NCAM2: variants seen among roughly 807,000 people sequenced by gnomAD.
NCAM2 encodes neural cell adhesion molecule 2.
Under a neutral mutation model 98.1 loss-of-function variants are expected in NCAM2, and 30 were observed. That is an observed-to-expected ratio of 0.31 (90% CI 0.23 to 0.41). The LOEUF is 0.41. NCAM2 is among the 10% of genes least tolerant of loss of function. NCAM2 has a pLI of 1.00. For missense variants in NCAM2, 867 were observed against 1,005.8 expected, an observed-to-expected ratio of 0.86 and a Z score of 1.87; for synonymous variants, 368 against 342.4, an observed-to-expected ratio of 1.07 and a Z score of -0.83.
chr21:21,266,167 ATAAT>A (rs1309408132), intron 1 of NCAM2, among the ~76,000 whole-genome samples: 1 of 152,132 alleles, frequency 6.6e-6, no homozygotes, highest in African/African-American at 2.4e-5. Flanking sequence ...TATGAGTAAA[ATAAT>A]TAACTCCTTT....
chr21:20,999,562 C>T (rs2063981539), intron 1 of NCAM2, among the ~76,000 whole-genome samples: 1 of 152,074 alleles, frequency 6.6e-6, no homozygotes, highest in African/African-American at 2.4e-5. Context: ...CTAAAACATG[C>T]ATTGGTGAAA....
intron 16 of NCAM2, among the ~76,000 whole-genome samples, chr21:21,521,730 A>G (rs1989027120): frequency 1.3e-5 from 2 of 152,078 alleles, no homozygotes; most frequent in Admixed American, 1.3e-4. Context: ...AGACTCAAAC[A>G]AACAAATAAA....
At chr21:21,083,908 C>A (rs1008661103) in intron 1 of NCAM2, among the ~76,000 whole-genome samples, 4 of 152,164 alleles carry the variant, frequency 2.6e-5, no homozygotes, top group Admixed American at 2.6e-4. Flanking sequence ...TTTACCCCAA[C>A]TTTACTTGTA....
At chr21:21,501,205 G>T (rs1011532421) in intron 15 of NCAM2, among the ~76,000 whole-genome samples, 2 of 151,970 alleles carry the variant, frequency 1.3e-5, no homozygotes, top group African/African-American at 4.8e-5. Context: ...AATCTTGGTA[G>T]ACTGCTTGCC....
chr21:21,323,414 G>A (rs2147791043), intron 5 of NCAM2, among the ~76,000 whole-genome samples: 1 of 152,162 alleles, frequency 6.6e-6, no homozygotes, highest in South Asian at 2.1e-4. Context: ...CATCAACGCT[G>A]ACCTGAATGC....
chr21:21,343,352 TACACATACACACAC>T (rs1418019874), intron 8 of NCAM2, among the ~76,000 whole-genome samples: 6 of 110,074 alleles, frequency 5.5e-5, no homozygotes, highest in South Asian at 2.7e-4. Flanking sequence ...CAACTATCTA[TACACATACACACAC>T]ACACACACAC....
chr21:21,150,977 AATAT>A (rs869246718), intron 1 of NCAM2, among the ~76,000 whole-genome samples: 1 of 101,370 alleles, frequency 9.9e-6, no homozygotes, highest in South Asian at 3.9e-4. Context: ...AGATTTTAAA[AATAT>A]ATATATATTT....
At chr21:21,280,732 G>A in intron 2 of NCAM2, 80 bp downstream of exon 2, 1 of 905,976 alleles carries the variant, frequency 1.1e-6, no homozygotes, top group Non-Finnish European at 1.6e-6. Context: ...AATTTAACTA[G>A]TTAAAAACTC....
At chr21:21,460,735 A>G (rs903790683) in intron 12 of NCAM2, among the ~76,000 whole-genome samples, 4 of 151,974 alleles carry the variant, frequency 2.6e-5, no homozygotes, top group African/African-American at 9.7e-5. Flanking sequence ...GTGTCCTCAC[A>G]AGATCCTTAT....
intron 1 of NCAM2, among the ~76,000 whole-genome samples, chr21:21,100,709 C>A (rs1473035962): frequency 1.3e-5 from 2 of 151,978 alleles, no homozygotes; most frequent in African/African-American, 4.8e-5. Context: ...TTTCATTGTG[C>A]TTAAACTGCC....
intron 12 of NCAM2, among the ~76,000 whole-genome samples, chr21:21,435,619 A>G (rs912143333): frequency 6.6e-5 from 10 of 152,010 alleles, no homozygotes; most frequent in African/African-American, 2.4e-4. Context: ...CTCTTCTCAA[A>G]TCTTAGGTAT....
intron 1 of NCAM2, among the ~76,000 whole-genome samples, chr21:21,188,033 G>A (rs1376121931): frequency 6.6e-6 from 1 of 152,174 alleles, no homozygotes; most frequent in Non-Finnish European, 1.5e-5. Context: ...CTACGTCTGA[G>A]TGTTTTACAG....
At chr21:21,127,839 CTA>C (rs1212404840) in intron 1 of NCAM2, among the ~76,000 whole-genome samples, 2 of 152,056 alleles carry the variant, frequency 1.3e-5, no homozygotes, top group Admixed American at 6.6e-5. Flanking sequence ...TATACACAAA[CTA>C]TTTTTTCTAT....
chr21:21,117,501 AAAG>A (rs2066587981), intron 1 of NCAM2, among the ~76,000 whole-genome samples: 1 of 152,232 alleles, frequency 6.6e-6, no homozygotes. Flanking sequence ...ACAGATGAAT[AAAG>A]AAATTGTGAA....
In NCAM2 at chr21:21,077,826, A is replaced by G. The variant is rs142294830; in HGVS notation, c.55+79208A>G. 2.2e-3 allele frequency among the ~76,000 whole-genome samples: 340 copies of G among 152,244 alleles called. 1 individual carries two copies. Among genetic ancestry groups the G allele is most frequent in the African/African-American group, 6.9e-3 (288 of 41,564 alleles). On this transcript the variant is annotated intron_variant, in intron 1 of 17. Coordinates refer to ENST00000400546, the MANE Select transcript of NCAM2 (RefSeq NM_004540.5). Reference sequence around the variant, plus strand: ...CATAAGTATATTCATTTATTGGCACATTATTTTACACATTTACTCAATACT... The same window carrying G: ...CATAAGTATATTCATTTATTGGCACGTTATTTTACACATTTACTCAATACT...
At chr21:21,047,422 A>G (rs1197372800) in intron 1 of NCAM2, among the ~76,000 whole-genome samples, 5 of 152,210 alleles carry the variant, frequency 3.3e-5, no homozygotes, top group Non-Finnish European at 7.4e-5. Flanking sequence ...AAATGAATTG[A>G]CAGGTTTTTT....
In NCAM2 at chr21:21,297,945, A is replaced by G. The variant is rs542908528; in HGVS notation, c.619+5704A>G. On this transcript the variant is annotated intron_variant, in intron 5 of 17. Transcript: ENST00000400546. ...GAACAATTGAGATTGGATAAAAAAC[A>G]CCTAGTAATGCAATTGTAAAGCAAT... 4.2e-3 allele frequency among the ~76,000 whole-genome samples: 639 copies of G among 151,928 alleles called. 5 individuals carry two copies. The highest frequency in any genetic ancestry group is 7.4e-3 in the Non-Finnish European group (504 of 67,826).
At chr21:21,155,671 A>G (rs981526284) in intron 1 of NCAM2, among the ~76,000 whole-genome samples, 6 of 151,940 alleles carry the variant, frequency 3.9e-5, no homozygotes, top group Admixed American at 2.0e-4. Flanking sequence ...TTGATAATGT[A>G]ATAGAAACTA....
chr21:21,152,237 A>C (rs2146715517), intron 1 of NCAM2, among the ~76,000 whole-genome samples: 1 of 152,114 alleles, frequency 6.6e-6, no homozygotes, highest in Non-Finnish European at 1.5e-5. Flanking sequence ...CATTTAATTT[A>C]GATTTTGTAC....
Sources: allele counts gnomAD v4.1 joint callset (sites outside exome capture counted in the v4.1 genomes callset), GRCh38; gene constraint gnomAD v4.1.1; transcripts MANE v1.5; gene names NCBI Gene and HGNC (gene_info 2026-07-23, HGNC 2026-07-21).